MAF: variants seen among roughly 807,000 people sequenced by gnomAD.
MAF encodes transcription factor Maf.
A neutral mutation model predicts 22.0 loss-of-function variants in MAF; 10 were observed. The ratio of observed to expected loss-of-function variants is 0.45; its 90% CI spans 0.28 to 0.77. MAF has a LOEUF of 0.77. Ranked by LOEUF, MAF falls within the 30% of genes least tolerant of loss-of-function variation. The pLI, the probability that MAF is intolerant of heterozygous loss-of-function variation, is 0.12. For synonymous variants in MAF, 337 were observed against 255.8 expected (o/e 1.32, Z -3.03); for missense variants, 544 against 548.4 (o/e 0.99, Z 0.08).
chr16:79,264,074 T>A, the MAF span, among the ~76,000 whole-genome samples: 1 of 152,132 alleles, frequency 6.6e-6, no homozygotes, highest in Non-Finnish European at 1.5e-5. Flanking sequence ...TCCAGGGGAA[T>A]GGAAAACAGT....
intron 1 of MAF, chr16:79,598,264 T>TA (rs35383470): frequency 0.26 from 243,751 of 938,814 alleles, 16,690 homozygotes; most frequent in East Asian, 0.51. Flanking sequence ...AAAGTAAAAT[T>TA]AAAAAAAAAA....
chr16:79,578,758 A>T, the MAF span, among the ~76,000 whole-genome samples: 3 of 152,152 alleles, frequency 2.0e-5, no homozygotes, highest in African/African-American at 7.2e-5. Context: ...TTTTTCCTTT[A>T]AAAAAATTAA....
At chr16:79,209,911 A>C in the MAF span, among the ~76,000 whole-genome samples, 1 of 152,224 alleles carries the variant, frequency 6.6e-6, no homozygotes, top group African/African-American at 2.4e-5. Flanking sequence ...TTTCCATTAG[A>C]CTTGAGCCAC....
chr16:79,583,365 G>GA (rs1029827212), downstream of MAF, among the ~76,000 whole-genome samples: 11 of 151,966 alleles, frequency 7.2e-5, no homozygotes, highest in East Asian at 3.9e-4. Flanking sequence ...TGTAAGACTA[G>GA]AAAAAAAATA....
the MAF span, among the ~76,000 whole-genome samples, chr16:79,429,808 C>T: frequency 6.6e-6 from 1 of 152,176 alleles, no homozygotes; most frequent in Non-Finnish European, 1.5e-5. Context: ...TCTGCACTTG[C>T]CTGGTGCTGT....
chr16:79,455,111 A>AT, the MAF span, among the ~76,000 whole-genome samples: 1 of 151,550 alleles, frequency 6.6e-6, no homozygotes, highest in Non-Finnish European at 1.5e-5. Flanking sequence ...AAAAAAAAAA[A>AT]GAAAGAATTC....
At chr16:79,581,143 T>C (rs770542759), downstream of MAF, among the ~76,000 whole-genome samples, 2 of 152,152 alleles carry the variant, frequency 1.3e-5, no homozygotes, top group African/African-American at 2.4e-5. Flanking sequence ...AAAAGAATTC[T>C]AATCACTCCA....
chr16:79,435,617 C>A, the MAF span, among the ~76,000 whole-genome samples: 38 of 152,308 alleles, frequency 2.5e-4, no homozygotes, highest in African/African-American at 9.1e-4. Flanking sequence ...TGCTCAGGGT[C>A]ACACAGCTGG....
chr16:79,417,643 AG>A, the MAF span, among the ~76,000 whole-genome samples: 2 of 152,152 alleles, frequency 1.3e-5, no homozygotes, highest in African/African-American at 4.8e-5. Flanking sequence ...GAGCCTGCCT[AG>A]CCTGCTTCCC....
chr16:79,526,389 G>A, the MAF span, among the ~76,000 whole-genome samples: 4 of 152,192 alleles, frequency 2.6e-5, no homozygotes, highest in East Asian at 3.9e-4. Flanking sequence ...TTTGACGGGA[G>A]GCAGAGCTCT....
chr16:79,465,423 C>A, the MAF span, among the ~76,000 whole-genome samples: 2 of 152,124 alleles, frequency 1.3e-5, no homozygotes, highest in East Asian at 3.9e-4. Context: ...CAAGACCAGT[C>A]TCTACAAAAA....
the MAF span, among the ~76,000 whole-genome samples, chr16:79,256,781 A>C: frequency 6.6e-6 from 1 of 152,206 alleles, no homozygotes; most frequent in Admixed American, 6.5e-5. Flanking sequence ...TTGACAGTAC[A>C]CATTTTAAGC....
chr16:79,527,273 C>T, the MAF span, among the ~76,000 whole-genome samples: 1 of 152,180 alleles, frequency 6.6e-6, no homozygotes, highest in Middle Eastern at 3.2e-3. Context: ...GGTTTCATCT[C>T]CTTCATTGTC....
chr16:79,266,498 T>C, the MAF span, among the ~76,000 whole-genome samples: 30 of 152,178 alleles, frequency 2.0e-4, no homozygotes, highest in Admixed American at 2.0e-3. Context: ...AAGAAAGAAG[T>C]TGATAACCAA....
chr16:79,379,405 C>G, the MAF span, among the ~76,000 whole-genome samples: 1 of 151,880 alleles, frequency 6.6e-6, no homozygotes, highest in Non-Finnish European at 1.5e-5. Context: ...GCATGAGTTG[C>G]CAATGTGGAA....
the MAF span, among the ~76,000 whole-genome samples, chr16:79,306,604 G>T: frequency 6.6e-6 from 1 of 152,156 alleles, no homozygotes; most frequent in Non-Finnish European, 1.5e-5. Context: ...CCAGTTTCCA[G>T]GAAAAACTAT....
chr16:79,211,754 C>G, the MAF span: 6 of 1,614,178 alleles, frequency 3.7e-6, no homozygotes, highest in African/African-American at 1.3e-5. Context: ...GGGCGCTCAG[C>G]GAGAGGCTGA....
At chr16:79,336,858 T>G in the MAF span, among the ~76,000 whole-genome samples, 1 of 152,348 alleles carries the variant, frequency 6.6e-6, no homozygotes, top group South Asian at 2.1e-4. Flanking sequence ...GCAGACATAA[T>G]CCTGGTTTGG....
chr16:79,210,912 C>G, the MAF span, among the ~76,000 whole-genome samples: 1 of 152,064 alleles, frequency 6.6e-6, no homozygotes, highest in Non-Finnish European at 1.5e-5. Flanking sequence ...AGGAAATGTA[C>G]CCCCTTACCT....
Sources: gnomAD v4.1 joint callset for allele counts (sites outside exome capture counted in the v4.1 genomes callset) on GRCh38, gnomAD v4.1.1 for gene constraint, MANE v1.5 for transcripts, NCBI Gene and HGNC (gene_info 2026-07-23, HGNC 2026-07-21) for gene names.